Variants in METTL8 observed in about 807,000 individuals in gnomAD.
The protein encoded by METTL8 is tRNA N(3)-cytidine methyltransferase METTL8, mitochondrial.
METTL8 carries 32 observed loss-of-function variants against 48.7 expected under a neutral mutation model. The ratio of observed to expected loss-of-function variants is 0.66; its 90% CI spans 0.50 to 0.88. The LOEUF is 0.88. Ranked by LOEUF, METTL8 falls within the 40% of genes least tolerant of loss-of-function variation. METTL8 has a pLI of 0.00. For missense variants in METTL8, 464 were observed against 474.4 expected, an observed-to-expected ratio of 0.98 and a Z score of 0.20; for synonymous variants, 136 against 157.1, an observed-to-expected ratio of 0.87 and a Z score of 1.01.
intron 4 of METTL8, among the ~76,000 whole-genome samples, chr2:171,338,615 G>A (rs571307482): frequency 2.7e-5 from 4 of 150,228 alleles, no homozygotes; most frequent in South Asian, 2.1e-4. Flanking sequence ...ACTCTAGCCC[G>A]GGCAACAAGA....
intron 1 of METTL8, among the ~76,000 whole-genome samples, chr2:171,422,887 T>A (rs182829964): frequency 2.6e-5 from 4 of 152,320 alleles, no homozygotes; most frequent in Admixed American, 2.6e-4. Context: ...AGAGTCAACA[T>A]GGTATCACCT....
At chr2:171,426,513 T>C (rs1319322965) in intron 1 of METTL8, among the ~76,000 whole-genome samples, 1 of 152,246 alleles carries the variant, frequency 6.6e-6, no homozygotes, top group East Asian at 1.9e-4. Context: ...TTATAATTGT[T>C]ATTTGTATAT....
intron 3 of METTL8, among the ~76,000 whole-genome samples, chr2:171,348,132 C>T (rs1052483286): frequency 6.6e-5 from 10 of 152,146 alleles, no homozygotes; most frequent in East Asian, 5.8e-4. Context: ...CTAAAGTCAC[C>T]AGAACAATAG....
chr2:171,328,262 T>C (rs1685165432), intron 7 of METTL8, among the ~76,000 whole-genome samples: 1 of 152,228 alleles, frequency 6.6e-6, no homozygotes, highest in Non-Finnish European at 1.5e-5. Context: ...GCCTGCTTTA[T>C]GCTTGGCTCT....
chr2:171,351,402 C>T (rs1479537471), intron 3 of METTL8, among the ~76,000 whole-genome samples: 1 of 152,168 alleles, frequency 6.6e-6, no homozygotes, highest in Non-Finnish European at 1.5e-5. Context: ...AGCGTGATGC[C>T]TCCAGGTTTG....
At chr2:171,381,520 T>A (rs1687532832) in intron 2 of METTL8, among the ~76,000 whole-genome samples, 1 of 152,020 alleles carries the variant, frequency 6.6e-6, no homozygotes, top group African/African-American at 2.4e-5. Flanking sequence ...GACAAAGGGC[T>A]AATATCCAGA....
intron 1 of METTL8, among the ~76,000 whole-genome samples, chr2:171,411,127 T>C (rs1690708100): frequency 6.6e-6 from 1 of 152,146 alleles, no homozygotes; most frequent in Admixed American, 6.5e-5. Context: ...TATACAACTG[T>C]ACAGAGGGAC....
At chr2:171,434,472 GA>G (rs1411021163), upstream of METTL8, 1 of 1,514,044 alleles carries the variant, frequency 6.6e-7, no homozygotes, top group Non-Finnish European at 8.8e-7. Flanking sequence ...GCCCCGCCGG[GA>G]AAGTCTGGGC....
chr2:171,347,864 ACTTCGTG>A (rs1683445356), intron 3 of METTL8, among the ~76,000 whole-genome samples: 2 of 152,148 alleles, frequency 1.3e-5, no homozygotes, highest in Non-Finnish European at 2.9e-5. Context: ...CCCCTCAAAG[ACTTCGTG>A]GTTGAAGCTC....
chr2:171,366,331 C>T (rs1473432838), intron 2 of METTL8, among the ~76,000 whole-genome samples: 1 of 152,126 alleles, frequency 6.6e-6, no homozygotes, highest in African/African-American at 2.4e-5. Context: ...AGGATATTAT[C>T]AAAATAGTCC....
intron 1 of METTL8, among the ~76,000 whole-genome samples, chr2:171,408,399 A>C (rs1251090555): frequency 6.6e-6 from 1 of 150,854 alleles, no homozygotes; most frequent in African/African-American, 2.4e-5. Flanking sequence ...AGTTCAAGTG[A>C]TTCTCCTGCC....
At chr2:171,407,027 G>A (rs1448383732) in intron 1 of METTL8, among the ~76,000 whole-genome samples, 1 of 152,132 alleles carries the variant, frequency 6.6e-6, no homozygotes, top group African/African-American at 2.4e-5. Flanking sequence ...TCTGGATTAG[G>A]ACTATTTAGG....
intron 3 of METTL8, among the ~76,000 whole-genome samples, chr2:171,350,931 G>C (rs1559089201): frequency 6.6e-6 from 1 of 152,104 alleles, no homozygotes; most frequent in Non-Finnish European, 1.5e-5. Context: ...CACTCTGATG[G>C]TAGTTTCTTT....
In METTL8 at chr2:171,339,475, A is replaced by G. The variant is rs1378446782; in HGVS notation, c.315T>C (p.Asn105=). ...IHKNKFFKDR[N]WLLREFPEIL... is the part of the protein sequence containing the mutation. The stretch of plus-strand genomic sequence containing the variant: ...TTTCAGGAAATTCCCTCAACAGCCA[A>G]TTACGATCCTTGAAAAACTTATTCT... The change falls in exon 4 of 10, where the codon AAT becomes AAC. Residue 105 remains asparagine, a synonymous_variant. Transcript: ENST00000375258. The G allele has an allele frequency of 8.7e-6, 14 of 1,613,514 alleles. No homozygotes were observed. The highest frequency in any genetic ancestry group is 2.2e-5 in the East Asian group (1 of 44,856).
intron 3 of METTL8, among the ~76,000 whole-genome samples, chr2:171,353,102 C>A (rs200518089): frequency 6.7e-6 from 1 of 150,280 alleles, no homozygotes; most frequent in Non-Finnish European, 1.5e-5. Context: ...TCTTGTGGGC[C>A]TTTAGTGCTA....
intron 7 of METTL8, among the ~76,000 whole-genome samples, chr2:171,329,940 A>G (rs1397123608): frequency 6.6e-6 from 1 of 152,220 alleles, no homozygotes; most frequent in African/African-American, 2.4e-5. Context: ...AATTGCTGGT[A>G]ATATCTCTTT....
At chr2:171,422,714 T>C (rs147628537) in intron 1 of METTL8, among the ~76,000 whole-genome samples, 137 of 152,320 alleles carry the variant, frequency 9.0e-4, no homozygotes, top group Non-Finnish European at 1.8e-3. Flanking sequence ...TAAAAATAGA[T>C]GCTCAACTGT....
upstream of METTL8, chr2:171,434,422 G>C: frequency 1.5e-6 from 2 of 1,308,622 alleles, no homozygotes; most frequent in Non-Finnish European, 2.1e-6. Flanking sequence ...CCCCGCCGTC[G>C]GGTGCTCCCT....
chr2:171,405,283 G>T (rs1205825427), intron 1 of METTL8, among the ~76,000 whole-genome samples: 2 of 152,024 alleles, frequency 1.3e-5, no homozygotes, highest in Non-Finnish European at 1.5e-5. Context: ...GGCTGAAGTC[G>T]AGAGGGACTG....
Sources: allele counts gnomAD v4.1 joint callset (sites outside exome capture counted in the v4.1 genomes callset), GRCh38; gene constraint gnomAD v4.1.1; transcripts MANE v1.5; gene names NCBI Gene and HGNC (gene_info 2026-07-23, HGNC 2026-07-21).